PLPP1: variants seen among roughly 807,000 people sequenced by gnomAD.
PLPP1 encodes phospholipid phosphatase 1.
PLPP1 carries 24 observed loss-of-function variants against 31.2 expected under a neutral mutation model. That is an observed-to-expected ratio of 0.77 (90% CI 0.56 to 1.08). The LOEUF (loss-of-function observed/expected upper bound fraction) is 1.08, where lower values mean the gene tolerates loss of function less well. PLPP1 is among the 50% of genes least tolerant of loss of function. PLPP1 has a pLI of 0.00. For missense variants in PLPP1, 319 were observed against 342.7 expected (o/e 0.93, Z 0.55); for synonymous variants, 146 against 126.3 (o/e 1.16, Z -1.05).
Position 55,468,000 on chromosome 5 carries a change from C to G in PLPP1, c.360G>C (p.Lys120Asn). ...GAGGCCGCAGTCTGCCTATTGAATA[C>G]TTGGCAATGTCAGTCAGGGACTGAC... The part of the protein sequence containing the change: ...AASQSLTDIA[K>N]YSIGRLRPHF... The change falls in exon 3 of 6, where the codon AAG becomes AAC. Residue 120 changes from lysine (K) to asparagine (N), a missense_variant. Transcript: ENST00000307259. The G allele has an allele frequency of 6.2e-7, 1 of 1,614,170 alleles. No individual in the cohort carries two copies. Among genetic ancestry groups the G allele is most frequent in the Non-Finnish European group, 8.5e-7 (1 of 1,180,024 alleles).
rs193027262 is a variant in PLPP1, at chr5:55,436,181, G to A, written c.549+5670C>T. Reference sequence around the variant, plus strand: ...TTGCAGAAAGCTGGCCATTCCACCTGCAGGCAGCAAATGCTTCACTGAGAA... The same window carrying A: ...TTGCAGAAAGCTGGCCATTCCACCTACAGGCAGCAAATGCTTCACTGAGAA... On this transcript the variant is annotated intron_variant, in intron 4 of 5. Transcript: ENST00000307259. 4.2e-3 allele frequency among the ~76,000 whole-genome samples: 644 copies of A among 152,214 alleles called. 4 individuals are homozygous for A. Among genetic ancestry groups the A allele is most frequent in the African/African-American group, 0.015 (616 of 41,530 alleles).
intron 1 of PLPP1, among the ~76,000 whole-genome samples, chr5:55,477,262 A>G (rs1299803643): frequency 6.6e-6 from 1 of 152,206 alleles, no homozygotes; most frequent in Non-Finnish European, 1.5e-5. Flanking sequence ...AGGTAAATAC[A>G]CAGGGCTGTG....
chr5:55,437,716 T>G (rs548678713), intron 4 of PLPP1, among the ~76,000 whole-genome samples: 1 of 152,298 alleles, frequency 6.6e-6, no homozygotes, highest in East Asian at 1.9e-4. Context: ...CAGTTTAGTC[T>G]TCTTTGGGTT....
At position 55,534,761 on chromosome 5, in the gene PLPP1, G is replaced by C. The variant is rs1740825935; in HGVS notation, c.-132C>G. On this transcript the variant is annotated 5_prime_UTR_variant, in exon 1 of 6. Coordinates refer to ENST00000307259, the MANE Select transcript of PLPP1 (RefSeq NM_003711.4). ...ACGGCCCCTCCCAGCCGGAGGAGGA[G>C]AGCAGCCGAGGGCGGGCTGAGACCG... 1.0e-6 allele frequency: 1 copy of C among 964,270 alleles called. No individual in the cohort carries two copies. Among genetic ancestry groups the C allele is most frequent in the South Asian group, 1.8e-5 (1 of 55,868 alleles). 59.7% of individuals were successfully genotyped at this position (964,270 alleles called of 1,614,324 possible).
Position 55,441,837 on chromosome 5 carries a change from C to T in PLPP1, c.549+14G>A, listed in dbSNP as rs1431340894. The T allele has an allele frequency of 1.2e-6, 2 of 1,610,988 alleles. No homozygotes were observed. The highest frequency in any genetic ancestry group is 2.2e-5 in the East Asian group (1 of 44,866). On this transcript the variant is annotated intron_variant, in intron 4 of 5. Transcript: ENST00000307259. ...AGCACATAACCTAACCGTCAACAGA[C>T]ACAAAGTACTTACTGCCACAAACAG...
intron 1 of PLPP1, among the ~76,000 whole-genome samples, chr5:55,500,574 A>C (rs908922583): frequency 6.6e-6 from 1 of 152,176 alleles, no homozygotes; most frequent in African/African-American, 2.4e-5. Context: ...ATATACTTCC[A>C]TGTTTGAATA....
At chr5:55,425,508 T>C in intron 5 of PLPP1, 174 bp from the exon 6 acceptor site, 1 of 594,806 alleles carries the variant, frequency 1.7e-6, no homozygotes, top group South Asian at 3.5e-5. Context: ...TTATTCCAAA[T>C]TAAGAGTTGC....
At chr5:55,438,073 G>T (rs766020587) in intron 4 of PLPP1, among the ~76,000 whole-genome samples, 3 of 152,164 alleles carry the variant, frequency 2.0e-5, no homozygotes, top group Non-Finnish European at 4.4e-5. Flanking sequence ...ATAGATACAG[G>T]AATTTCATAA....
At chr5:55,433,144 CAAAAAAAA>C (rs57495015) in intron 4 of PLPP1, among the ~76,000 whole-genome samples, 1 of 125,320 alleles carries the variant, frequency 8.0e-6, no homozygotes, top group Non-Finnish European at 1.7e-5. Flanking sequence ...CCCATCTCTA[CAAAAAAAA>C]AAAAAAAAAA....
chr5:55,509,676 A>G (rs1334576091), intron 1 of PLPP1, among the ~76,000 whole-genome samples: 1 of 152,214 alleles, frequency 6.6e-6, no homozygotes, highest in Non-Finnish European at 1.5e-5. Context: ...ATATTTAATG[A>G]GCTTTTAAAA....
intron 4 of PLPP1, 70 bp from the exon 5 acceptor site, chr5:55,426,109 T>C (rs1256849067): frequency 5.9e-6 from 8 of 1,347,784 alleles, no homozygotes; most frequent in Non-Finnish European, 8.0e-6. Context: ...TAAGGAAGGG[T>C]TGGCATTTGA....
chr5:55,478,702 G>C (rs1752608688), intron 1 of PLPP1, among the ~76,000 whole-genome samples: 2 of 152,248 alleles, frequency 1.3e-5, no homozygotes, highest in South Asian at 4.2e-4. Context: ...GGCAGGTCAG[G>C]AGACAGTGAC....
At chr5:55,459,276 G>A (rs1201035792) in intron 3 of PLPP1, among the ~76,000 whole-genome samples, 2 of 148,824 alleles carry the variant, frequency 1.3e-5, no homozygotes, top group Non-Finnish European at 3.0e-5. Flanking sequence ...TGAACAGCAC[G>A]GCCACAAGAT....
intron 4 of PLPP1, among the ~76,000 whole-genome samples, chr5:55,427,552 C>T (rs745947004): frequency 5.3e-5 from 8 of 152,140 alleles, no homozygotes; most frequent in East Asian, 1.9e-4. Context: ...CTACTTCCAA[C>T]CTGAAGGAAA....
intron 1 of PLPP1, among the ~76,000 whole-genome samples, chr5:55,483,172 T>C (rs1752704895): frequency 6.6e-6 from 1 of 152,166 alleles, no homozygotes; most frequent in African/African-American, 2.4e-5. Context: ...AAAAAATATT[T>C]CTTAATATTT....
chr5:55,503,342 G>A (rs1309785904), intron 1 of PLPP1, among the ~76,000 whole-genome samples: 1 of 152,138 alleles, frequency 6.6e-6, no homozygotes, highest in Admixed American at 6.5e-5. Context: ...TATATTGCCT[G>A]GTCATCTGGC....
chr5:55,451,062 GTAGGCTCCAC>G (rs1210965852), intron 3 of PLPP1, among the ~76,000 whole-genome samples: 1 of 152,214 alleles, frequency 6.6e-6, no homozygotes, highest in Non-Finnish European at 1.5e-5. Flanking sequence ...CAACCTGGCA[GTAGGCTCCAC>G]TTATGACCCT....
At chr5:55,453,610 T>C (rs923583421) in intron 3 of PLPP1, among the ~76,000 whole-genome samples, 1 of 152,186 alleles carries the variant, frequency 6.6e-6, no homozygotes, top group Admixed American at 6.5e-5. Context: ...TTCATAATGA[T>C]TAAATACAGA....
In PLPP1 at chr5:55,460,782, G is replaced by C. The variant is rs561505484; in HGVS notation, c.491+7087C>G. Among the ~76,000 whole-genome samples, 3 of 152,200 alleles carry C rather than the reference G, an allele frequency of 2.0e-5. No individual in the cohort carries two copies. In the South Asian group the frequency reaches 6.2e-4, roughly 32 times the overall value. On this transcript the variant is annotated intron_variant, in intron 3 of 5. Coordinates refer to ENST00000307259, the MANE Select transcript of PLPP1 (RefSeq NM_003711.4). ...GATCACTTGAGCTCAGGAGTTCAAG[G>C]CTACCATAAGCTATGACTGGGCCAC...
Sources: gnomAD v4.1 joint callset for allele counts (sites outside exome capture counted in the v4.1 genomes callset) on GRCh38, gnomAD v4.1.1 for gene constraint, MANE v1.5 for transcripts, NCBI Gene and HGNC (gene_info 2026-07-23, HGNC 2026-07-21) for gene names.